OPCML: variants seen among roughly 807,000 people sequenced by gnomAD.
OPCML encodes the protein opioid-binding protein/cell adhesion molecule.
A neutral mutation model predicts 37.8 loss-of-function variants in OPCML; 13 were observed. That is an observed-to-expected ratio of 0.34 (90% confidence interval 0.22 to 0.55). OPCML has a LOEUF of 0.55. OPCML is among the 20% of genes least tolerant of loss of function. The pLI, the probability that OPCML is intolerant of heterozygous loss-of-function variation, is 0.91. For missense variants in OPCML, 341 were observed against 435.6 expected, an observed-to-expected ratio of 0.78 and a Z score of 1.93; for synonymous variants, 176 against 168.8, an observed-to-expected ratio of 1.04 and a Z score of -0.33.
At chr11:132,471,616 A>C (rs2096138245) in intron 4 of OPCML, among the ~76,000 whole-genome samples, 1 of 152,174 alleles carries the variant, frequency 6.6e-6, no homozygotes, top group Admixed American at 6.5e-5. Context: ...CTGCCTAATT[A>C]TCCTCACAAC....
At position 132,415,477 on chromosome 11, in the gene OPCML, C is replaced by G. The variant is rs1301556200; in HGVS notation, c.*4716G>C. 1 of 152,160 alleles carries G rather than the reference C, an allele frequency of 6.6e-6. No homozygotes were observed. The allele number at this position is 152,160 out of a possible 1,614,324, so 9.4% of individuals were successfully genotyped here. On this transcript the variant is annotated 3_prime_UTR_variant, in exon 8 of 8. Transcript: ENST00000524381. ...ACTAACACAAGGGCAGCTTGCAGTA[C>G]ATAGCATTGTTATTACTGATAGCTT...
chr11:132,886,257 G>T (rs749835289), intron 2 of OPCML, among the ~76,000 whole-genome samples: 3 of 151,874 alleles, frequency 2.0e-5, no homozygotes, highest in Non-Finnish European at 4.4e-5. Flanking sequence ...ATTATCAGTC[G>T]TTAAATAACA....
intron 1 of OPCML, among the ~76,000 whole-genome samples, chr11:132,978,461 C>T (rs999597359): frequency 2.6e-5 from 4 of 152,140 alleles, no homozygotes; most frequent in African/African-American, 9.7e-5. Context: ...CAGCTGGAAG[C>T]AGGACTAGCA....
rs374315410 is a variant in OPCML, at chr11:133,385,348, G to A, written c.61+146916C>T. 9.8e-5 allele frequency among the ~76,000 whole-genome samples: 15 copies of A among 152,352 alleles called. 1 individual carries two copies. The highest frequency in any genetic ancestry group is 3.9e-4 in the East Asian group (2 of 5,188). ...CCCGACCCACAGAAACTGTGAGATA[G>A]TAAGTGTTTGCTGTTTGAGTTCACT... On this transcript the variant is annotated intron_variant, in intron 1 of 7. Transcript: ENST00000524381.
At chr11:133,358,425 G>T (rs569927352) in intron 1 of OPCML, among the ~76,000 whole-genome samples, 63 of 152,256 alleles carry the variant, frequency 4.1e-4, no homozygotes, top group Middle Eastern at 3.4e-3. Context: ...CTTGACATAG[G>T]GCTTCATCAT....
chr11:133,218,709 C>G (rs533543878), intron 1 of OPCML, among the ~76,000 whole-genome samples: 1 of 152,110 alleles, frequency 6.6e-6, no homozygotes. Context: ...CCTGGACACA[C>G]GGTGTGATTA....
chr11:132,424,472 C>T (rs749269767), intron 7 of OPCML, among the ~76,000 whole-genome samples: 3 of 152,100 alleles, frequency 2.0e-5, no homozygotes, highest in Non-Finnish European at 4.4e-5. Flanking sequence ...TGCTAAAATG[C>T]ACCCGGATAA....
At chr11:133,005,663 G>T (rs960257482) in intron 1 of OPCML, 21 of 980,896 alleles carry the variant, frequency 2.1e-5, no homozygotes, top group Non-Finnish European at 1.8e-5. Flanking sequence ...AAACTGTTAT[G>T]CATGGATACT....
intron 2 of OPCML, among the ~76,000 whole-genome samples, chr11:132,914,982 A>C (rs1042398197): frequency 2.6e-5 from 4 of 152,148 alleles, no homozygotes; most frequent in Non-Finnish European, 5.9e-5. Flanking sequence ...AGGTCTGACA[A>C]CCTTGCGGCC....
chr11:133,265,194 C>T (rs189718528), intron 1 of OPCML, among the ~76,000 whole-genome samples: 36 of 152,274 alleles, frequency 2.4e-4, no homozygotes, highest in African/African-American at 8.2e-4. Context: ...CCGCTTCATC[C>T]TCCTGAAACC....
chr11:133,318,774 C>T (rs181278708), intron 1 of OPCML, among the ~76,000 whole-genome samples: 309 of 152,300 alleles, frequency 2.0e-3, no homozygotes, highest in African/African-American at 6.8e-3. Context: ...CAGTGGTTCA[C>T]GCCTGTAATC....
At chr11:132,455,095 C>T (rs886879916) in intron 4 of OPCML, among the ~76,000 whole-genome samples, 6 of 152,164 alleles carry the variant, frequency 3.9e-5, no homozygotes, top group Admixed American at 6.5e-5. Flanking sequence ...CATTCTTAAA[C>T]GATCTTATCT....
At chr11:132,584,982 A>G (rs2096469451) in intron 3 of OPCML, among the ~76,000 whole-genome samples, 1 of 152,238 alleles carries the variant, frequency 6.6e-6, no homozygotes, top group African/African-American at 2.4e-5. Context: ...CCCAGCCTTC[A>G]TAGGCTGTGA....
chr11:133,195,652 T>C (rs1393174933), intron 1 of OPCML, among the ~76,000 whole-genome samples: 1 of 152,248 alleles, frequency 6.6e-6, no homozygotes, highest in Non-Finnish European at 1.5e-5. Context: ...AAAGTTATCA[T>C]GGAAGTGGTC....
At position 132,639,595 on chromosome 11, in the gene OPCML, A is replaced by G. The variant is rs570985809; in HGVS notation, c.379+17492T>C. Among the ~76,000 whole-genome samples, 79 of 152,306 alleles carry G rather than the reference A, an allele frequency of 5.2e-4. No individual in the cohort carries two copies. In the South Asian group the frequency reaches 0.016, roughly 32 times the overall value. The stretch of plus-strand genomic sequence containing the variant: ...CTTTCACTGTTAAGACTGGCACTTT[A>G]CATAATCCTCATGTTTGCAGGCCGA... On this transcript the variant is annotated intron_variant, in intron 3 of 7. Transcript: ENST00000524381.
In OPCML at chr11:132,546,870, G is replaced by A. The variant is rs112639455; in HGVS notation, c.380-17684C>T. On this transcript the variant is annotated intron_variant, in intron 3 of 7. Coordinates refer to ENST00000524381, the MANE Select transcript of OPCML (RefSeq NM_001012393.5). ...CATACACTGCACATTGCATATTTCCGCAGGTGCTCTCTGCTGCCTCACAGA... is the reference window on the plus strand; with the variant it reads ...CATACACTGCACATTGCATATTTCCACAGGTGCTCTCTGCTGCCTCACAGA... Among the ~76,000 whole-genome samples the A allele has an allele frequency of 3.3e-3, 501 of 152,276 alleles. 1 individual carries two copies. The highest frequency in any genetic ancestry group is 7.3e-3 in the Admixed American group (111 of 15,294).
intron 1 of OPCML, among the ~76,000 whole-genome samples, chr11:133,191,240 T>G (rs1220836362): frequency 6.6e-6 from 1 of 152,204 alleles, no homozygotes; most frequent in Non-Finnish European, 1.5e-5. Flanking sequence ...ACAAGCATCT[T>G]TTCAGGTGCT....
In OPCML at chr11:132,460,532, A is replaced by G. The variant is rs1348280414; in HGVS notation, c.506-23173T>C. On this transcript the variant is annotated intron_variant, in intron 4 of 7. Transcript: ENST00000524381. ...AAGGGACTGAAGTCAACAGGGCAGG[A>G]GGAAGATGTATGGTGACTAAAGATA... Among the ~76,000 whole-genome samples the G allele has an allele frequency of 2.0e-5, 3 of 152,324 alleles. No homozygotes were observed. In the East Asian group the frequency reaches 5.8e-4, roughly 29 times the overall value.
chr11:133,114,348 C>T (rs1353743872), intron 1 of OPCML, among the ~76,000 whole-genome samples: 12 of 152,076 alleles, frequency 7.9e-5, no homozygotes, highest in Non-Finnish European at 1.2e-4. Context: ...GTCGTTCTGA[C>T]GTCTCTTTTT....
Sources: allele counts gnomAD v4.1 joint callset (sites outside exome capture counted in the v4.1 genomes callset), GRCh38; gene constraint gnomAD v4.1.1; transcripts MANE v1.5; gene names NCBI Gene and HGNC (gene_info 2026-07-23, HGNC 2026-07-21).